The following YME1L1 variants were observed in gnomAD, a reference collection of about 807,000 sequenced individuals.
The protein encoded by YME1L1 is YME1 like 1 ATPase.
In YME1L1, 39 loss-of-function variants were observed where a neutral mutation model predicts 90.4. The observed-to-expected ratio is 0.43, with a 90% CI of 0.33 to 0.56. YME1L1 has a LOEUF of 0.56. Among genes scored for constraint, YME1L1 ranks in the 20% least tolerant of loss-of-function variants. The pLI, the probability that YME1L1 is intolerant of heterozygous loss-of-function variation, is 0.03. For synonymous variants in YME1L1, 284 were observed against 287.3 expected, an observed-to-expected ratio of 0.99 and a Z score of 0.12; for missense variants, 617 against 868.4, an observed-to-expected ratio of 0.71 and a Z score of 3.64.
chr10:27,151,651 G>A (rs1226181183), intron 1 of YME1L1, among the ~76,000 whole-genome samples: 1 of 151,902 alleles, frequency 6.6e-6, no homozygotes, highest in Non-Finnish European at 1.5e-5. Context: ...GGAGGCCGAG[G>A]CGGACGGATC....
At chr10:27,128,815 G>A (rs2056946829) in intron 8 of YME1L1, among the ~76,000 whole-genome samples, 3 of 151,852 alleles carry the variant, frequency 2.0e-5, no homozygotes, top group Admixed American at 2.0e-4. Flanking sequence ...AGGCTGAGGC[G>A]GGAGGATGGC....
intron 4 of YME1L1, 37 bp downstream of exon 4, chr10:27,142,350 A>AT (rs750738952): frequency 1.4e-3 from 1,662 of 1,173,436 alleles, no homozygotes; most frequent in South Asian, 3.0e-3. Flanking sequence ...GTAAATAAAT[A>AT]TTTTTTTTTC....
intron 15 of YME1L1, among the ~76,000 whole-genome samples, chr10:27,116,941 G>A (rs920329199): frequency 4.6e-5 from 7 of 152,036 alleles, no homozygotes; most frequent in East Asian, 1.9e-4. Context: ...TTTCAGCACC[G>A]TAAGACTGGG....
intron 9 of YME1L1, among the ~76,000 whole-genome samples, chr10:27,123,911 ATT>A (rs1459578224): frequency 6.6e-6 from 1 of 152,062 alleles, no homozygotes; most frequent in Non-Finnish European, 1.5e-5. Flanking sequence ...TTATATAAAT[ATT>A]GTTTCCATAT....
At chr10:27,115,900 T>C (rs2056807887) in intron 17 of YME1L1, among the ~76,000 whole-genome samples, 160 bp downstream of exon 17, 1 of 152,186 alleles carries the variant, frequency 6.6e-6, no homozygotes, top group Non-Finnish European at 1.5e-5. Flanking sequence ...GAAGGTCCAT[T>C]TTCTTTATTC....
chr10:27,130,238 AC>A (rs2056962894), intron 8 of YME1L1, among the ~76,000 whole-genome samples: 1 of 152,032 alleles, frequency 6.6e-6, no homozygotes, highest in Non-Finnish European at 1.5e-5. Context: ...TACCATTGTC[AC>A]CTAACTCACT....
At chr10:27,112,979 T>C (rs1350351811) in intron 18 of YME1L1, among the ~76,000 whole-genome samples, 1 of 152,074 alleles carries the variant, frequency 6.6e-6, no homozygotes, top group Non-Finnish European at 1.5e-5. Context: ...CCCAGCACTT[T>C]GGGAGGCCAA....
At chr10:27,142,590 G>A in intron 3 of YME1L1, 105 bp from the exon 4 acceptor site, 1 of 482,838 alleles carries the variant, frequency 2.1e-6, no homozygotes. Flanking sequence ...ATCACAATAT[G>A]AGTTTCAACT....
intron 12 of YME1L1, among the ~76,000 whole-genome samples, chr10:27,120,938 T>G (rs1166646730): frequency 1.3e-5 from 2 of 152,180 alleles, no homozygotes; most frequent in African/African-American, 4.8e-5. Context: ...AAAATACGAA[T>G]AACTTCTACA....
intron 5 of YME1L1, 144 bp downstream of exon 5, chr10:27,136,132 T>C (rs2057024572): frequency 8.7e-6 from 6 of 692,982 alleles, no homozygotes; most frequent in South Asian, 1.9e-5. Flanking sequence ...AGAGGTATAA[T>C]GATTACACAG....
chr10:27,148,775 T>A, intron 2 of YME1L1, 131 bp downstream of exon 2: 2 of 1,148,032 alleles, frequency 1.7e-6, no homozygotes, highest in Non-Finnish European at 2.5e-6. Flanking sequence ...AGTAGTTAAG[T>A]TTCTCAGGAG....
At chr10:27,123,783 T>C (rs1021839127) in intron 9 of YME1L1, 84 bp from the exon 10 acceptor site, 19 of 1,368,848 alleles carry the variant, frequency 1.4e-5, no homozygotes, top group Non-Finnish European at 1.8e-5. Flanking sequence ...TAATTATTCA[T>C]TTATATAATT....
chr10:27,132,461 C>T (rs796685884), intron 7 of YME1L1, among the ~76,000 whole-genome samples: 5 of 152,166 alleles, frequency 3.3e-5, no homozygotes, highest in African/African-American at 7.2e-5. Flanking sequence ...AGACATATTT[C>T]GGCTGCTCTG....
intron 4 of YME1L1, among the ~76,000 whole-genome samples, chr10:27,141,900 T>C (rs1323779686): frequency 1.3e-5 from 2 of 152,318 alleles, no homozygotes; most frequent in Admixed American, 6.5e-5. Flanking sequence ...GTGATCACTA[T>C]CACCTGACAT....
At chr10:27,116,900 A>G (rs117170463) in intron 15 of YME1L1, among the ~76,000 whole-genome samples, 3,683 of 152,078 alleles carry the variant, frequency 0.024, 55 homozygotes, top group Non-Finnish European at 0.036. Flanking sequence ...ATTCAGATAC[A>G]GTTCTGATAT....
chr10:27,113,219 C>CAAAAAAAAAA (rs869122796), intron 18 of YME1L1, among the ~76,000 whole-genome samples: 9 of 43,104 alleles, frequency 2.1e-4, no homozygotes, highest in Admixed American at 9.1e-4. Context: ...GATGCTGTCT[C>CAAAAAAAAAA]AAAAAAAAAA....
intron 8 of YME1L1, among the ~76,000 whole-genome samples, chr10:27,129,723 A>T (rs763848847): frequency 2.6e-5 from 3 of 116,784 alleles, no homozygotes; most frequent in Admixed American, 1.9e-4. Flanking sequence ...TAAAATAAAA[A>T]AAAAAAATCA....
At chr10:27,137,014 CTG>C (rs965427799) in intron 4 of YME1L1, among the ~76,000 whole-genome samples, 14 of 115,346 alleles carry the variant, frequency 1.2e-4, no homozygotes, top group African/African-American at 3.3e-4. Context: ...CTCTGATAAA[CTG>C]TGATTTCAAA....
In YME1L1 at chr10:27,145,042, G is replaced by A. The variant is rs182508226; in HGVS notation, c.331+386C>T. Among the ~76,000 whole-genome samples, 620 of 152,252 alleles carry A rather than the reference G, an allele frequency of 4.1e-3. 9 individuals carry two copies. Among genetic ancestry groups the A allele is most frequent in the Admixed American group, 0.037 (560 of 15,296 alleles). On this transcript the variant is annotated intron_variant, in intron 3 of 18. Transcript: ENST00000376016. ...TGTAGTCCCAGCTACTTGGGAGGCC[G>A]AGGCAAGAGAATGGTGTGAACCCGG...
Sources: gnomAD v4.1 joint callset for allele counts (sites outside exome capture counted in the v4.1 genomes callset) on GRCh38, gnomAD v4.1.1 for gene constraint, MANE v1.5 for transcripts, NCBI Gene and HGNC (gene_info 2026-07-23, HGNC 2026-07-21) for gene names.